Variants in GABRA4 observed in about 807,000 individuals in gnomAD.
GABRA4 encodes gamma-aminobutyric acid type A receptor subunit alpha4.
In GABRA4, 12 loss-of-function variants were observed where a neutral mutation model predicts 49.7. The ratio of observed to expected loss-of-function variants is 0.24; its 90% CI spans 0.15 to 0.39. The LOEUF (loss-of-function observed/expected upper bound fraction) is 0.39, where lower values mean the gene tolerates loss of function less well. GABRA4 is among the 10% of genes least tolerant of loss of function. The probability of loss-of-function intolerance (pLI) is 1.00; values close to 1 mark genes in which losing one functional copy is unlikely to be tolerated. For synonymous variants in GABRA4, 288 were observed against 240.2 expected (o/e 1.20, Z -1.84); for missense variants, 506 against 686.0 (o/e 0.74, Z 2.93).
chr4:46,975,681 T>C (rs1214744188), intron 5 of GABRA4, among the ~76,000 whole-genome samples: 2 of 151,996 alleles, frequency 1.3e-5, no homozygotes, highest in African/African-American at 4.8e-5. Context: ...CGAACTATGT[T>C]CAAGTCCTTC....
Position 46,928,602 on chromosome 4 carries a change from CTAAG to C in GABRA4, c.1284_1287del (p.Tyr428Ter). ...CGGCTGAATGGGTTTGGACTGGAAG[CTAAG>C]TAAGACCGAGGTGTGCCTTTAGAAG... On this transcript the variant is annotated frameshift_variant, in exon 9 of 9. Transcript: ENST00000264318. LOFTEE classifies it high-confidence loss of function. 1 of 1,613,746 alleles carries C rather than the reference CTAAG, an allele frequency of 6.2e-7. No individual in the cohort carries two copies. Among genetic ancestry groups the C allele is most frequent in the Non-Finnish European group, 8.5e-7 (1 of 1,179,804 alleles).
At chr4:46,944,953 T>A (rs564598520) in intron 8 of GABRA4, among the ~76,000 whole-genome samples, 34 of 152,210 alleles carry the variant, frequency 2.2e-4, no homozygotes, top group Non-Finnish European at 4.7e-4. Context: ...TCAATGAAAG[T>A]AAGTCAAATG....
chr4:46,937,964 T>C (rs1407559729), intron 8 of GABRA4, among the ~76,000 whole-genome samples: 2 of 152,182 alleles, frequency 1.3e-5, no homozygotes, highest in African/African-American at 2.4e-5. Context: ...TCTGTGTGTA[T>C]GTGTGCAAGT....
At position 46,927,427 on chromosome 4, in the gene GABRA4, T is replaced by C. The variant is rs1424205310; in HGVS notation, c.*798A>G. 6.6e-6 allele frequency: 1 copy of C among 152,512 alleles called. No homozygotes were observed. Among genetic ancestry groups the C allele is most frequent in the African/African-American group, 2.4e-5 (1 of 41,452 alleles). The allele number at this position is 152,512 out of a possible 1,614,324, so 9.4% of individuals were successfully genotyped here. On this transcript the variant is annotated 3_prime_UTR_variant, in exon 9 of 9. Coordinates refer to ENST00000264318, the MANE Select transcript of GABRA4 (RefSeq NM_000809.4). ...CTTTGGCATGCATTGACTGTTCTAC[T>C]TTTTAAGTAATATTGTAGATAAAGG...
intron 8 of GABRA4, among the ~76,000 whole-genome samples, chr4:46,935,611 T>A (rs1334973130): frequency 6.6e-6 from 1 of 151,196 alleles, no homozygotes; most frequent in Non-Finnish European, 1.5e-5. Flanking sequence ...GGAGTGGGAG[T>A]TGAACAATGA....
intron 8 of GABRA4, among the ~76,000 whole-genome samples, chr4:46,934,695 G>C (rs968145346): frequency 6.6e-6 from 1 of 152,150 alleles, no homozygotes; most frequent in Non-Finnish European, 1.5e-5. Flanking sequence ...ATTTAGAGTT[G>C]AGGGTTTAAA....
At chr4:46,971,691 GTAA>G (rs1722952391) in intron 6 of GABRA4, among the ~76,000 whole-genome samples, 1 of 150,400 alleles carries the variant, frequency 6.6e-6, no homozygotes, top group African/African-American at 2.4e-5. Context: ...ATTTTAGAAA[GTAA>G]TAAATATACA....
chr4:46,971,636 C>G (rs113012502), intron 6 of GABRA4, among the ~76,000 whole-genome samples: 3,307 of 151,404 alleles, frequency 0.022, 40 homozygotes, highest in Admixed American at 0.034. Context: ...TACACATACA[C>G]AGACACTGAC....
intron 8 of GABRA4, among the ~76,000 whole-genome samples, chr4:46,961,272 A>G (rs1376701968): frequency 6.6e-6 from 1 of 151,846 alleles, no homozygotes; most frequent in African/African-American, 2.4e-5. Flanking sequence ...TGACCAGTTA[A>G]TCCCTGCCAG....
chr4:46,974,325 T>G lies in GABRA4; in HGVS notation c.628A>C (p.Lys210Gln). The G allele has an allele frequency of 6.2e-7, 1 of 1,611,786 alleles. No individual in the cohort carries two copies. The highest frequency in any genetic ancestry group is 1.7e-5 in the Admixed American group (1 of 59,848). The change falls in exon 6 of 9, where the codon AAA becomes CAA. Residue 210 changes from lysine (K) to glutamine (Q), a missense_variant. This residue lies in a region of GABRA4 where 195 missense variants were observed against 326.0 expected (regional missense o/e 0.60). Transcript: ENST00000264318. ...MIYTWTKGPE[K>Q]SVEVPKESSS... ...GACTCCTTCGGAACTTCAACTGATT[T>G]CTCAGGACCTTTTGTCCAGGTATAG... is the stretch of plus-strand genomic sequence containing the variant.
In GABRA4 at chr4:46,954,556, C is replaced by CAA. The variant is rs60422399; in HGVS notation, c.1134+10412_1134+10413dup. Among the ~76,000 whole-genome samples the CAA allele has an allele frequency of 5.3e-3, 473 of 88,826 alleles. 1 individual carries two copies. The highest frequency in any genetic ancestry group is 0.018 in the African/African-American group (443 of 24,606). The allele number at this position is 88,826 out of a possible 152,430, so 58.3% of individuals were successfully genotyped here. Reference sequence around the variant, plus strand: ...TGGGCAACAATAGTGAAACGCCATCCAAAAAAAAAAAAAAAAAGAGTGCAG... The same window carrying CAA: ...TGGGCAACAATAGTGAAACGCCATCCAAAAAAAAAAAAAAAAAAAGAGTGCAG... On this transcript the variant is annotated intron_variant, in intron 8 of 8. Transcript: ENST00000264318.
chr4:46,992,424 C>T (rs1371952303), intron 2 of GABRA4, among the ~76,000 whole-genome samples: 3 of 152,196 alleles, frequency 2.0e-5, no homozygotes, highest in African/African-American at 7.2e-5. Context: ...GGCATGGACA[C>T]GTGGGAGGAT....
At chr4:46,989,571 G>T (rs1289155685) in intron 2 of GABRA4, among the ~76,000 whole-genome samples, 1 of 152,188 alleles carries the variant, frequency 6.6e-6, no homozygotes, top group Non-Finnish European at 1.5e-5. Flanking sequence ...AACCATTTCA[G>T]TTCCTTTTAT....
At chr4:46,971,493 T>G (rs1013189887) in intron 6 of GABRA4, among the ~76,000 whole-genome samples, 7 of 151,526 alleles carry the variant, frequency 4.6e-5, no homozygotes, top group African/African-American at 1.7e-4. Context: ...TTAAAAATGT[T>G]CTGTAGTGCT....
intron 5 of GABRA4, among the ~76,000 whole-genome samples, chr4:46,976,378 A>AAAAAC (rs1723140493): frequency 6.8e-6 from 1 of 147,578 alleles, no homozygotes; most frequent in Non-Finnish European, 1.5e-5. Flanking sequence ...AAAAAAAAAA[A>AAAAAC]GCGGAAGTGG....
At chr4:46,948,525 A>T (rs932882893) in intron 8 of GABRA4, among the ~76,000 whole-genome samples, 1 of 152,104 alleles carries the variant, frequency 6.6e-6, no homozygotes, top group Non-Finnish European at 1.5e-5. Context: ...GGCCTGAAAT[A>T]AACATATATA....
At chr4:46,976,354 CAAAAA>C (rs71193888) in intron 5 of GABRA4, among the ~76,000 whole-genome samples, 2 of 51,762 alleles carry the variant, frequency 3.9e-5, no homozygotes, top group African/African-American at 1.4e-4. Context: ...CACCCATTCT[CAAAAA>C]AAAAAAAAAA....
rs1721080268 is a variant in GABRA4, at chr4:46,922,749, A to T, written c.*5476T>A. On this transcript the variant is annotated 3_prime_UTR_variant, in exon 9 of 9. Coordinates refer to ENST00000264318, the MANE Select transcript of GABRA4 (RefSeq NM_000809.4). ...AAGTACATTGGAAGTTACAAAATAG[A>T]ATAATCACAACTGAAAACTCACTAG... 6.6e-6 allele frequency: 1 copy of T among 152,120 alleles called. No individual in the cohort carries two copies. Among genetic ancestry groups the T allele is most frequent in the South Asian group, 2.1e-4 (1 of 4,832 alleles). 9.4% of individuals were successfully genotyped at this position (152,120 alleles called of 1,614,324 possible). A position where few individuals can be genotyped will look rare whatever the true frequency, so the allele number is the denominator to read the frequency against.
rs112901610 is a variant in GABRA4 at position 46,983,003 on chromosome 4, G to C, written c.206-3905C>G. ...TTGAAGATGAATTATGTGCCAGGTA[G>C]GCTATTAGGTTCTTCCCATATACTA... On this transcript the variant is annotated intron_variant, in intron 2 of 8. Coordinates refer to ENST00000264318, the MANE Select transcript of GABRA4 (RefSeq NM_000809.4). 8.9e-4 allele frequency among the ~76,000 whole-genome samples: 135 copies of C among 152,142 alleles called. 1 individual carries two copies. The highest frequency in any genetic ancestry group is 2.9e-3 in the African/African-American group (119 of 41,514).
Sources: gnomAD v4.1 joint callset for allele counts (sites outside exome capture counted in the v4.1 genomes callset) on GRCh38, gnomAD v4.1.1 for gene constraint, gnomAD v4.1.1 regional missense constraint, MANE v1.5 for transcripts, NCBI Gene and HGNC (gene_info 2026-07-23, HGNC 2026-07-21) for gene names.